ARHGEF25: variants seen among roughly 807,000 people sequenced by gnomAD.
ARHGEF25 encodes Rho guanine nucleotide exchange factor 25.
ARHGEF25 carries 42 observed loss-of-function variants against 74.0 expected under a neutral mutation model. The ratio of observed to expected loss-of-function variants is 0.57; its 90% CI spans 0.44 to 0.73. The LOEUF (loss-of-function observed/expected upper bound fraction) is 0.73, where lower values mean the gene tolerates loss of function less well. Among genes scored for constraint, ARHGEF25 ranks in the 30% least tolerant of loss-of-function variants. The pLI is 0.00. For missense variants in ARHGEF25, 645 were observed against 725.5 expected (o/e 0.89, Z 1.27); for synonymous variants, 293 against 278.6 (o/e 1.05, Z -0.51).
In ARHGEF25 at chr12:57,616,513, C is replaced by T. The variant is rs199741249; in HGVS notation, c.1632+18C>T. 1 of 1,609,054 alleles carries T rather than the reference C, an allele frequency of 6.2e-7. No individual in the cohort carries two copies. Among genetic ancestry groups the T allele is most frequent in the Admixed American group, 1.7e-5 (1 of 59,428 alleles). On this transcript the variant is annotated intron_variant, in intron 14 of 14. Coordinates refer to ENST00000286494, the MANE Select transcript of ARHGEF25 (RefSeq NM_182947.4). ...ATAAACAGGTATGACGAATAGAGCT[C>T]CCTCATTGTAGGGATAAAAAGGGGA...
chr12:57,612,079 G>A, intron 1 of ARHGEF25, 88 bp downstream of exon 1: 1 of 1,065,164 alleles, frequency 9.4e-7, no homozygotes, highest in Non-Finnish European at 1.2e-6. Flanking sequence ...TTGGGATTTA[G>A]GGTTGGAGAC....
chr12:57,613,670 G>A (rs745645393), intron 4 of ARHGEF25, 24 bp from the exon 5 acceptor site: 1 of 1,613,542 alleles, frequency 6.2e-7, no homozygotes, highest in Non-Finnish European at 8.5e-7. Context: ...CTGAAGTGGG[G>A]GCCTCCTCCT....
At chr12:57,610,277 G>A (rs757546401), upstream of ARHGEF25, 2 of 1,583,402 alleles carry the variant, frequency 1.3e-6, no homozygotes, top group South Asian at 1.1e-5. Flanking sequence ...GGTCATGGGG[G>A]GCATGCTGCG....
Position 57,615,049 on chromosome 12 carries a change from T to A in ARHGEF25, c.960+32T>A, listed in dbSNP as rs759645040. 5 of 1,612,128 alleles carry A rather than the reference T, an allele frequency of 3.1e-6. No homozygotes were observed. In the South Asian group the frequency reaches 5.5e-5, roughly 18 times the overall value. ...ACCCCAGATCTTCCAGGACACACCA[T>A]GTGCTCCTTATCCTCCTAGTATCTC... On this transcript the variant is annotated intron_variant, in intron 10 of 14. Transcript: ENST00000286494.
chr12:57,613,902 G>C, intron 5 of ARHGEF25, 114 bp from the exon 6 acceptor site: 1 of 1,460,332 alleles, frequency 6.8e-7, no homozygotes, highest in Non-Finnish European at 9.5e-7. Context: ...GGGGCAGGGC[G>C]GCTCCCACCA....
Position 57,614,664 on chromosome 12 carries a change from A to C in ARHGEF25, c.817-25A>C. 2 of 1,613,726 alleles carry C rather than the reference A, an allele frequency of 1.2e-6. No homozygotes were observed. The highest frequency in any genetic ancestry group is 1.7e-6 in the Non-Finnish European group (2 of 1,179,896). ...ACAGAACTGGGGCTTTCCAGGCTGC[A>C]TAACCACCCTGTCCCTGTCCCCAGG... On this transcript the variant is annotated intron_variant, in intron 8 of 14. Coordinates refer to ENST00000286494, the MANE Select transcript of ARHGEF25 (RefSeq NM_182947.4). This position sits in a 1 kb window ranked among gnomAD's most constrained non-coding sequence, Gnocchi z 4.6.
Position 57,614,207 on chromosome 12 carries a change from A to G in ARHGEF25, c.656+88A>G. 1 of 1,585,262 alleles carries G rather than the reference A, an allele frequency of 6.3e-7. No homozygotes were observed. Among genetic ancestry groups the G allele is most frequent in the Non-Finnish European group, 8.7e-7 (1 of 1,154,770 alleles). On this transcript the variant is annotated intron_variant, in intron 6 of 14. Coordinates refer to ENST00000286494, the MANE Select transcript of ARHGEF25 (RefSeq NM_182947.4). This position sits in a 1 kb window ranked among gnomAD's most constrained non-coding sequence, Gnocchi z 4.6. ...CCTAACATCAGCCCATTGCGACTTA[A>G]GGAATGTTTGGAGAAGTTTTGTAGG...
rs758783286 is a variant in ARHGEF25 at position 57,614,419 on chromosome 12, G to C, written c.726+19G>C. 1.2e-6 allele frequency: 2 copies of C among 1,614,192 alleles called. No homozygotes were observed. The highest frequency in any genetic ancestry group is 3.3e-5 in the Admixed American group (2 of 60,020). ...CAAACACGTGAGGCTTGAGGGGGCA[G>C]GGCCTGGGGCGGGGCTTAGGAATGG... On this transcript the variant is annotated intron_variant, in intron 7 of 14. Coordinates refer to ENST00000286494, the MANE Select transcript of ARHGEF25 (RefSeq NM_182947.4). The surrounding 1 kb of genome is among the most constrained non-coding windows in gnomAD (Gnocchi z 4.6).
Position 57,613,758 on chromosome 12 carries a change from G to A in ARHGEF25, c.550G>A (p.Glu184Lys). ...CGTGGACGACTTGGGGCAGATTGTG[G>A]AGGTAGCTCCCTTTACCCCTTCCCA... ...MYVDDLGQIV[E>K]GYMATMAAQG... is the part of the protein sequence containing the mutation. The change falls in exon 5 of 15, where the codon GAG becomes AAG. Residue 184 changes from glutamate to lysine, a missense_variant and splice_region_variant. Coordinates refer to ENST00000286494, the MANE Select transcript of ARHGEF25 (RefSeq NM_182947.4). 1 of 1,614,042 alleles carries A rather than the reference G, an allele frequency of 6.2e-7. No homozygotes were observed. Among genetic ancestry groups the A allele is most frequent in the Non-Finnish European group, 8.5e-7 (1 of 1,179,964 alleles).
chr12:57,614,977 A>G lies in ARHGEF25; in HGVS notation c.920A>G (p.Lys307Arg), dbSNP rs1884217013. 6.2e-7 allele frequency: 1 copy of G among 1,614,058 alleles called. No individual in the cohort carries two copies. Among genetic ancestry groups the G allele is most frequent in the Non-Finnish European group, 8.5e-7 (1 of 1,179,988 alleles). ...KYQLLLKDFL[K>R]YYNRAGMDTA... ...TTCTCTCTGTCTTAGGATTTTCTCA[A>G]GTATTACAATAGAGCTGGGATGGAT... is the stretch of plus-strand genomic sequence containing the variant. The change falls in exon 10 of 15, where the codon AAG becomes AGG. Residue 307 changes from lysine to arginine, a missense_variant. Lys to Arg is a conservative substitution (Grantham distance 26). Coordinates refer to ENST00000286494, the MANE Select transcript of ARHGEF25 (RefSeq NM_182947.4). The surrounding 1 kb of genome is among the most constrained non-coding windows in gnomAD (Gnocchi z 4.6).
At position 57,611,988 on chromosome 12, in the gene ARHGEF25, C is replaced by T; in HGVS notation, c.94C>T (p.Arg32Cys). Reference protein sequence around the residue: ...KCGCCFARGGRESYSIAGSEG... With the variant: ...KCGCCFARGGCESYSIAGSEG... Reference sequence around the variant, plus strand: ...CGGCTGCTGCTTCGCCCGGGGGGGACGTGGTGAGTGCCAGGTCGAGAGGGT... The same window carrying T: ...CGGCTGCTGCTTCGCCCGGGGGGGATGTGGTGAGTGCCAGGTCGAGAGGGT... Residue 32 changes from arginine (R) to cysteine (C), a missense_variant, in exon 1 of 15, where the codon CGT (arginine) becomes TGT (cysteine). Around this residue, in one of 3 missense-constraint regions of ARHGEF25, gnomAD observed 189 missense variants for 199.1 expected, o/e 0.95. Transcript: ENST00000286494. The surrounding 1 kb of genome is among the most constrained non-coding windows in gnomAD (Gnocchi z 4.5). The T allele has an allele frequency of 4.6e-6, 6 of 1,308,514 alleles. No individual in the cohort carries two copies. The South Asian group carries it at 1.3e-4, about 28-fold the overall frequency. The allele number at this position is 1,308,514 out of a possible 1,614,324, so 81.1% of individuals were successfully genotyped here.
At chr12:57,610,370 C>T (rs1315410695), upstream of ARHGEF25, 5 of 1,307,282 alleles carry the variant, frequency 3.8e-6, no homozygotes, top group Admixed American at 1.3e-4. Context: ...TTCAGGAGGG[C>T]TGCACCCACA....
intron 10 of ARHGEF25, 108 bp downstream of exon 10, chr12:57,615,125 G>A: frequency 6.4e-7 from 1 of 1,564,186 alleles, no homozygotes; most frequent in Non-Finnish European, 8.7e-7. Flanking sequence ...GTTTTTAGGG[G>A]GAGGCTGGTT....
upstream of ARHGEF25, chr12:57,610,491 TGA>T (rs148232702): frequency 0.071 from 92,496 of 1,294,470 alleles, 3,755 homozygotes; most frequent in Non-Finnish European, 0.08. Context: ...ATGTGGGTTT[TGA>T]CAGGTAGGAG....
chr12:57,613,292 C>A lies in ARHGEF25; in HGVS notation c.341C>A (p.Thr114Lys). 6.2e-7 allele frequency: 1 copy of A among 1,614,226 alleles called. No homozygotes were observed. The highest frequency in any genetic ancestry group is 8.5e-7 in the Non-Finnish European group (1 of 1,180,038). ...TGGATGTTGGAGCCAGCTCTAGCCA[C>A]AGGAGAGGAGCTGCCGGAACTGACC... Reference protein sequence around the residue: ...ENWMLEPALATGEELPELTLL... With the variant: ...ENWMLEPALAKGEELPELTLL... Residue 114 changes from threonine (T) to lysine (K), a missense_variant, in exon 3 of 15, where the codon ACA becomes AAA. Physicochemically the swap from Thr to Lys is moderately conservative, Grantham distance 78. Transcript: ENST00000286494.
chr12:57,610,117 G>A (rs141296665), upstream of ARHGEF25: 27 of 632,082 alleles, frequency 4.3e-5, no homozygotes, highest in East Asian at 8.3e-4. Context: ...GCAGGGGGCG[G>A]ATTCCGCAGC....
At position 57,611,671 on chromosome 12, in the gene ARHGEF25, C is replaced by G; in HGVS notation, c.-224C>G. 1 of 1,121,552 alleles carries G rather than the reference C, an allele frequency of 8.9e-7. No homozygotes were observed. The highest frequency in any genetic ancestry group is 1.1e-6 in the Non-Finnish European group (1 of 917,294). The allele number at this position is 1,121,552 out of a possible 1,614,324, so 69.5% of individuals were successfully genotyped here. A position where few individuals can be genotyped will look rare whatever the true frequency, so the allele number is the denominator to read the frequency against. On this transcript the variant is annotated 5_prime_UTR_variant, in exon 1 of 15. Coordinates refer to ENST00000286494, the MANE Select transcript of ARHGEF25 (RefSeq NM_182947.4). This position sits in a 1 kb window ranked among gnomAD's most constrained non-coding sequence, Gnocchi z 4.5. Reference sequence around the variant, plus strand: ...AACCCTCCCCGCCCAGCCCGGCGGCCGGGCCCCGCGCCTCTCTCTCTCTAG... The same window carrying G: ...AACCCTCCCCGCCCAGCCCGGCGGCGGGGCCCCGCGCCTCTCTCTCTCTAG...
upstream of ARHGEF25, chr12:57,610,377 C>A: frequency 7.9e-7 from 1 of 1,267,412 alleles, no homozygotes; most frequent in Non-Finnish European, 1.1e-6. Flanking sequence ...GGGCTGCACC[C>A]ACAACTCAAC....
chr12:57,613,233 C>T (rs749700695), intron 2 of ARHGEF25, 31 bp from the exon 3 acceptor site: 23 of 1,612,396 alleles, frequency 1.4e-5, no homozygotes, highest in African/African-American at 1.2e-4. Context: ...CTACTGTCCC[C>T]GACCTCTGAC....
Sources: allele counts gnomAD v4.1 joint callset, GRCh38; gene constraint gnomAD v4.1.1; regional missense constraint gnomAD v4.1.1; non-coding constraint Gnocchi (gnomAD v3.1); transcripts MANE v1.5; gene names NCBI Gene and HGNC (gene_info 2026-07-23, HGNC 2026-07-21).